The following ALDH1L1 variants were observed in gnomAD, a reference collection of about 807,000 sequenced individuals.
ALDH1L1 encodes the protein aldehyde dehydrogenase 1 family member L1.
In ALDH1L1, 68 loss-of-function variants were observed where a neutral mutation model predicts 101.1. That is an observed-to-expected ratio of 0.67 (90% confidence interval 0.55 to 0.82). The LOEUF (loss-of-function observed/expected upper bound fraction) is 0.82. Ranked by LOEUF, ALDH1L1 falls within the 40% of genes least tolerant of loss-of-function variation. The probability of loss-of-function intolerance (pLI) is 0.00; values close to 1 mark genes in which losing one functional copy is unlikely to be tolerated. For synonymous variants in ALDH1L1, 486 were observed against 470.8 expected (o/e 1.03, Z -0.42); for missense variants, 1,087 against 1,172.7 (o/e 0.93, Z 1.07).
chr3:126,105,584 C>T (rs995320547), intron 22 of ALDH1L1, 142 bp downstream of exon 22: 2 of 955,054 alleles, frequency 2.1e-6, no homozygotes, highest in African/African-American at 1.6e-5. Context: ...CAAGTTCCCT[C>T]CCAGTAAGAA....
At chr3:126,131,622 G>T in intron 12 of ALDH1L1, 88 bp from the exon 13 acceptor site, 2 of 1,442,932 alleles carry the variant, frequency 1.4e-6, no homozygotes, top group Non-Finnish European at 1.9e-6. Flanking sequence ...AGGAGCTGGG[G>T]TCCTGCCCTC....
intron 1 of ALDH1L1, among the ~76,000 whole-genome samples, chr3:126,178,783 T>C (rs978454388): frequency 6.6e-6 from 1 of 152,108 alleles, no homozygotes; most frequent in African/African-American, 2.4e-5. Context: ...TGTGCATGCG[T>C]GTGTTTATCT....
intron 13 of ALDH1L1, 81 bp downstream of exon 13, chr3:126,131,303 T>A (rs1353428208): frequency 1.3e-5 from 19 of 1,440,092 alleles, no homozygotes; most frequent in Non-Finnish European, 1.8e-5. Context: ...AGCATGCAGA[T>A]GACTGTGCTG....
chr3:126,151,641 TAA>T (rs1256793336), intron 7 of ALDH1L1: 1 of 152,248 alleles, frequency 6.6e-6, no homozygotes, highest in African/African-American at 2.4e-5. Flanking sequence ...CACTGTGCGT[TAA>T]GAGTGGCTGT....
At chr3:126,156,651 T>C (rs2080911863) in intron 4 of ALDH1L1, 1 of 152,292 alleles carries the variant, frequency 6.6e-6, no homozygotes, top group Non-Finnish European at 1.5e-5. Flanking sequence ...CTCTCAGCAG[T>C]ACCAGCTGCC....
intron 21 of ALDH1L1, 82 bp from the exon 22 acceptor site, chr3:126,106,007 A>G (rs940632725): frequency 3.6e-6 from 5 of 1,370,916 alleles, no homozygotes; most frequent in Non-Finnish European, 4.0e-6. Flanking sequence ...CCCACTCCAC[A>G]CCCCAGCTGC....
chr3:126,119,508 A>G (rs12106789), intron 16 of ALDH1L1, among the ~76,000 whole-genome samples: 76,759 of 151,878 alleles, frequency 0.51, 19,623 homozygotes, highest in African/African-American at 0.58. Context: ...TCCTGCACCT[A>G]TCCAGTCCCT....
intron 1 of ALDH1L1, chr3:126,180,135 T>C (rs932754996): frequency 1.3e-5 from 2 of 152,558 alleles, no homozygotes; most frequent in African/African-American, 4.8e-5. Flanking sequence ...CTCAGTTTTC[T>C]CTTCCATAAG....
At chr3:126,192,652 G>A (rs574700931) in intron 1 of ALDH1L1, among the ~76,000 whole-genome samples, 1 of 152,178 alleles carries the variant, frequency 6.6e-6, no homozygotes, top group African/African-American at 2.4e-5. Context: ...TAGGAAGAAG[G>A]TTCACTTTTC....
chr3:126,170,466 G>A (rs556434192), intron 1 of ALDH1L1, among the ~76,000 whole-genome samples: 3 of 147,074 alleles, frequency 2.0e-5, no homozygotes, highest in African/African-American at 2.5e-5. Flanking sequence ...TCAACCAGTC[G>A]GGCCTAATAA....
upstream of ALDH1L1, among the ~76,000 whole-genome samples, chr3:126,182,155 A>AT (rs5852470): frequency 7.4e-4 from 111 of 150,920 alleles, no homozygotes; most frequent in Middle Eastern, 0.01. Flanking sequence ...TTATTTATTT[A>AT]TTTTTTTTTG....
chr3:126,120,933 A>G (rs759082923), intron 16 of ALDH1L1, among the ~76,000 whole-genome samples: 7 of 152,158 alleles, frequency 4.6e-5, no homozygotes, highest in African/African-American at 1.7e-4. Flanking sequence ...GCCTCCCCCA[A>G]CCACTCACTA....
rs1235584210 is a variant in ALDH1L1 at position 126,155,691 on chromosome 3, G to GAC, written c.529-190_529-189dup. The GAC allele has an allele frequency of 1.2e-5, 6 of 520,820 alleles. No individual in the cohort carries two copies. In the African/African-American group the frequency reaches 1.2e-4, roughly 10 times the overall value. 32.3% of individuals were successfully genotyped at this position (520,820 alleles called of 1,614,324 possible). A position where few individuals can be genotyped will look rare whatever the true frequency, so the allele number is the denominator to read the frequency against. ...TGAACCTAACTTCTATTGCACAACG[G>GAC]ACACAGACCCGTCCTCTCTACCTGG... On this transcript the variant is annotated intron_variant, in intron 4 of 22. Transcript: ENST00000393434.
rs1206117066 is a variant in ALDH1L1 at position 126,158,420 on chromosome 3, G to T, written c.347C>A (p.Ala116Asp). 1.9e-6 allele frequency: 3 copies of T among 1,600,322 alleles called. No homozygotes were observed. In the South Asian group the frequency reaches 3.3e-5, roughly 18 times the overall value. ...HPSLLPRHRG[A>D]SAINWTLIHG... ...CCCATCTCACCAGTTGATGGCCGAG[G>T]CCCCTCGGTGCCTAGGGAGCAGTGA... Residue 116 changes from alanine (A) to aspartate (D), a missense_variant, in exon 3 of 23, where the codon GCC becomes GAC. Around this residue, in one of 2 missense-constraint regions of ALDH1L1, gnomAD observed 645 missense variants for 637.0 expected, o/e 1.01. Transcript: ENST00000393434.
chr3:126,190,473 T>C (rs1012927724), intron 1 of ALDH1L1, among the ~76,000 whole-genome samples: 3 of 152,214 alleles, frequency 2.0e-5, no homozygotes, highest in Non-Finnish European at 1.5e-5. Flanking sequence ...AGGGCCTCCA[T>C]GGGTCCACAC....
chr3:126,153,309 G>C (rs769760800), intron 7 of ALDH1L1, 135 bp downstream of exon 7: 1 of 1,371,930 alleles, frequency 7.3e-7, no homozygotes, highest in Non-Finnish European at 1.0e-6. Context: ...GACAAATCAG[G>C]GTCAGTGTTC....
chr3:126,139,659 A>C (rs1024779978), intron 9 of ALDH1L1, among the ~76,000 whole-genome samples: 2 of 152,218 alleles, frequency 1.3e-5, no homozygotes, highest in Non-Finnish European at 2.9e-5. Flanking sequence ...TATGGACAAA[A>C]AACTAAAGGA....
intron 3 of ALDH1L1, 26 bp downstream of exon 3, chr3:126,158,378 GC>G (rs1376748395): frequency 1.3e-6 from 2 of 1,522,850 alleles, no homozygotes; most frequent in Non-Finnish European, 8.9e-7. Flanking sequence ...TATGGGGATG[GC>G]CCCCTGTGTT....
At chr3:126,133,185 C>G (rs1205742415) in intron 12 of ALDH1L1, among the ~76,000 whole-genome samples, 1 of 152,216 alleles carries the variant, frequency 6.6e-6, no homozygotes, top group Non-Finnish European at 1.5e-5. Context: ...CCACTTAGGG[C>G]CCGCTGCTTT....
Sources: allele counts gnomAD v4.1 joint callset (sites outside exome capture counted in the v4.1 genomes callset), GRCh38; gene constraint gnomAD v4.1.1; regional missense constraint gnomAD v4.1.1; transcripts MANE v1.5; gene names NCBI Gene and HGNC (gene_info 2026-07-23, HGNC 2026-07-21).